NDST4: variants seen among roughly 807,000 people sequenced by gnomAD.
NDST4 encodes the protein N-deacetylase and N-sulfotransferase 4.
Under a neutral mutation model 100.8 loss-of-function variants are expected in NDST4, and 63 were observed. That is an observed-to-expected ratio of 0.62 (90% CI 0.51 to 0.77). NDST4 has a LOEUF of 0.77. Ranked by LOEUF, NDST4 falls within the 30% of genes least tolerant of loss-of-function variation. The pLI, the probability that NDST4 is intolerant of heterozygous loss-of-function variation, is 0.00. For missense variants in NDST4, 943 were observed against 1,018.4 expected (o/e 0.93, Z 1.01); for synonymous variants, 377 against 361.8 (o/e 1.04, Z -0.48).
At chr4:114,981,446 A>G (rs543305630) in intron 2 of NDST4, among the ~76,000 whole-genome samples, 41 of 152,140 alleles carry the variant, frequency 2.7e-4, no homozygotes, top group Non-Finnish European at 4.6e-4. Context: ...CATAATGCCT[A>G]CAAATGTGCA....
At chr4:114,961,838 T>A in intron 4 of NDST4, among the ~76,000 whole-genome samples, 1 of 152,050 alleles carries the variant, frequency 6.6e-6, no homozygotes, top group East Asian at 1.9e-4. Flanking sequence ...ATTAATTACA[T>A]GAGGCTAGTA....
At position 114,949,132 on chromosome 4, in the gene NDST4, A is replaced by G. The variant is rs74327643; in HGVS notation, c.1222-11629T>C. Among the ~76,000 whole-genome samples, 1,234 of 152,172 alleles carry G rather than the reference A, an allele frequency of 8.1e-3. 13 individuals carry two copies. The highest frequency in any genetic ancestry group is 0.026 in the African/African-American group (1,095 of 41,564). On this transcript the variant is annotated intron_variant, in intron 4 of 13. Coordinates refer to ENST00000264363, the MANE Select transcript of NDST4 (RefSeq NM_022569.3). ...AAACTAAATTTTGTGAGAGCTAATT[A>G]TGCTATTATTGACCACTTCAAGAAT...
chr4:115,071,353 T>C (rs1207313852), intron 2 of NDST4, among the ~76,000 whole-genome samples: 1 of 151,492 alleles, frequency 6.6e-6, no homozygotes, highest in East Asian at 1.9e-4. Context: ...AGGATAAGGC[T>C]ATGTCTGAAT....
rs1287230680 is a variant in NDST4, at chr4:115,009,232, T to C, written c.979-31958A>G. On this transcript the variant is annotated intron_variant, in intron 2 of 13. Coordinates refer to ENST00000264363, the MANE Select transcript of NDST4 (RefSeq NM_022569.3). Reference sequence around the variant, plus strand: ...AAAAGAGTCCGCATCACCAAGTCAATCCTAAGCCAAAAGAACAAAGCTGGA... The same window carrying C: ...AAAAGAGTCCGCATCACCAAGTCAACCCTAAGCCAAAAGAACAAAGCTGGA... 4.7e-5 allele frequency among the ~76,000 whole-genome samples: 6 copies of C among 128,908 alleles called. 2 individuals are homozygous for C. The highest frequency in any genetic ancestry group is 1.5e-4 in the African/African-American group (5 of 33,914). The allele number at this position is 128,908 out of a possible 152,430, so 84.6% of individuals were successfully genotyped here. A position where few individuals can be genotyped will look rare whatever the true frequency, so the allele number is the denominator to read the frequency against.
intron 7 of NDST4, among the ~76,000 whole-genome samples, chr4:114,856,070 CT>C (rs543966534): frequency 2.9e-4 from 43 of 146,160 alleles, no homozygotes; most frequent in Non-Finnish European, 3.5e-4. Context: ...TTCTTTCTTT[CT>C]TTTTTTTTTT....
At chr4:114,870,486 A>G (rs755763914) in intron 7 of NDST4, among the ~76,000 whole-genome samples, 6 of 152,156 alleles carry the variant, frequency 3.9e-5, no homozygotes, top group Non-Finnish European at 7.4e-5. Context: ...TAAAATGATT[A>G]GCTTGGAGAA....
chr4:115,003,564 C>CT (rs202228238), intron 2 of NDST4, among the ~76,000 whole-genome samples: 6 of 152,024 alleles, frequency 3.9e-5, no homozygotes, highest in Non-Finnish European at 5.9e-5. Context: ...AGACTGTATT[C>CT]TTTTTTAAAA....
chr4:115,042,476 T>C (rs1371709011), intron 2 of NDST4, among the ~76,000 whole-genome samples: 1 of 152,156 alleles, frequency 6.6e-6, no homozygotes, highest in Non-Finnish European at 1.5e-5. Flanking sequence ...GTAGGTACAG[T>C]ACAATAAGAG....
intron 4 of NDST4, among the ~76,000 whole-genome samples, chr4:114,950,657 T>C (rs1053304027): frequency 3.9e-5 from 6 of 152,110 alleles, no homozygotes; most frequent in African/African-American, 1.4e-4. Context: ...ATGTGGATTT[T>C]ACTGGAAGAG....
intron 4 of NDST4, among the ~76,000 whole-genome samples, chr4:114,942,593 T>C (rs1725773289): frequency 6.6e-6 from 1 of 152,086 alleles, no homozygotes; most frequent in African/African-American, 2.4e-5. Context: ...GTAAATGCAA[T>C]TCAATATAAT....
In NDST4 at chr4:114,958,564, C is replaced by G. The variant is rs895561733; in HGVS notation, c.1221+11866G>C. On this transcript the variant is annotated intron_variant, in intron 4 of 13. Transcript: ENST00000264363. ...AACGGCTTGAGCAGTATATTGGCCC[C>G]TTTTAGCAATGGCTGTGACAAAGGG... is the stretch of plus-strand genomic sequence containing the variant. Among the ~76,000 whole-genome samples the G allele has an allele frequency of 4.6e-5, 7 of 152,198 alleles. 1 individual carries two copies. Among genetic ancestry groups the G allele is most frequent in the African/African-American group, 1.2e-4 (5 of 41,452 alleles).
intron 2 of NDST4, among the ~76,000 whole-genome samples, chr4:115,052,521 A>T (rs573772): frequency 1.3e-5 from 2 of 151,710 alleles, no homozygotes; most frequent in Non-Finnish European, 2.9e-5. Context: ...AGTCTTCCCC[A>T]TATTGTTCTC....
chr4:114,831,591 C>T (rs1200291939), intron 12 of NDST4, among the ~76,000 whole-genome samples: 2 of 152,180 alleles, frequency 1.3e-5, no homozygotes, highest in Non-Finnish European at 2.9e-5. Flanking sequence ...ATCTCCTTTG[C>T]TCTCAGGTAA....
chr4:114,929,597 C>G (rs991364981), intron 6 of NDST4, among the ~76,000 whole-genome samples: 1 of 152,094 alleles, frequency 6.6e-6, no homozygotes, highest in African/African-American at 2.4e-5. Context: ...CCTGAAACTC[C>G]CCTCTTTCAC....
intron 2 of NDST4, among the ~76,000 whole-genome samples, chr4:115,034,915 T>C (rs1054375598): frequency 6.6e-6 from 1 of 152,134 alleles, no homozygotes; most frequent in Non-Finnish European, 1.5e-5. Flanking sequence ...ACTCTTCCTA[T>C]CTATCCTCCT....
At chr4:114,849,413 C>T (rs1299630470) in intron 8 of NDST4, among the ~76,000 whole-genome samples, 1 of 152,204 alleles carries the variant, frequency 6.6e-6, no homozygotes, top group Non-Finnish European at 1.5e-5. Flanking sequence ...GCTGGCAGAA[C>T]AACTATCATT....
intron 6 of NDST4, among the ~76,000 whole-genome samples, chr4:114,878,952 C>T (rs1036561795): frequency 1.3e-5 from 2 of 152,024 alleles, no homozygotes; most frequent in Admixed American, 6.6e-5. Flanking sequence ...ATTTTGGATA[C>T]GTGTATACCA....
chr4:114,862,443 A>T (rs781025693), intron 7 of NDST4, among the ~76,000 whole-genome samples: 1 of 152,184 alleles, frequency 6.6e-6, no homozygotes, highest in Non-Finnish European at 1.5e-5. Context: ...CACATAACCC[A>T]GCAGAGCAAA....
intron 2 of NDST4, among the ~76,000 whole-genome samples, chr4:115,026,589 C>T (rs1727989996): frequency 6.6e-6 from 1 of 151,858 alleles, no homozygotes; most frequent in South Asian, 2.1e-4. Context: ...CTGTAATTTA[C>T]TCTCCAGTTC....
Sources: allele counts gnomAD v4.1 joint callset (sites outside exome capture counted in the v4.1 genomes callset), GRCh38; gene constraint gnomAD v4.1.1; transcripts MANE v1.5; gene names NCBI Gene and HGNC (gene_info 2026-07-23, HGNC 2026-07-21).